TBC1D22A: variants seen among roughly 807,000 people sequenced by gnomAD.
The protein encoded by TBC1D22A is putative GTPase activator.
Under a neutral mutation model 60.2 loss-of-function variants are expected in TBC1D22A, and 38 were observed. The observed-to-expected ratio is 0.63, with a 90% CI of 0.49 to 0.83. The LOEUF is 0.83. Ranked by LOEUF, TBC1D22A falls within the 40% of genes least tolerant of loss-of-function variation. The probability of loss-of-function intolerance (pLI) is 0.00; values close to 1 mark genes in which losing one functional copy is unlikely to be tolerated. For synonymous variants in TBC1D22A, 302 were observed against 281.7 expected (o/e 1.07, Z -0.72); for missense variants, 628 against 701.0 (o/e 0.90, Z 1.18).
chr22:47,136,703 C>A (rs1468672572), intron 12 of TBC1D22A, among the ~76,000 whole-genome samples: 4 of 152,202 alleles, frequency 2.6e-5, no homozygotes, highest in African/African-American at 9.7e-5. Context: ...ACTCACCCAC[C>A]CTGAGCTTGT....
chr22:46,919,918 A>G (rs1250360620), intron 8 of TBC1D22A, among the ~76,000 whole-genome samples: 2 of 152,116 alleles, frequency 1.3e-5, no homozygotes, highest in Admixed American at 6.5e-5. Flanking sequence ...TTCAGTGTTG[A>G]CAGCCTTTGT....
intron 9 of TBC1D22A, among the ~76,000 whole-genome samples, chr22:46,977,580 C>T (rs574080761): frequency 3.9e-5 from 6 of 152,124 alleles, no homozygotes; most frequent in Admixed American, 1.3e-4. Flanking sequence ...TCCCTGGAAA[C>T]GTTAGGTGAT....
At chr22:47,127,850 A>G (rs944754569) in intron 12 of TBC1D22A, among the ~76,000 whole-genome samples, 3 of 151,478 alleles carry the variant, frequency 2.0e-5, no homozygotes, top group Non-Finnish European at 4.4e-5. Context: ...CTTCAGGGCA[A>G]GTGGTCTTCG....
intron 1 of TBC1D22A, among the ~76,000 whole-genome samples, chr22:46,776,883 C>G (rs2146761298): frequency 6.6e-6 from 1 of 152,108 alleles, no homozygotes; most frequent in South Asian, 2.1e-4. Flanking sequence ...ACGAGTTCTT[C>G]CCCAAGGCCT....
intron 12 of TBC1D22A, among the ~76,000 whole-genome samples, chr22:47,122,810 G>A (rs1231411826): frequency 6.6e-6 from 1 of 152,214 alleles, no homozygotes; most frequent in Non-Finnish European, 1.5e-5. Flanking sequence ...GGAAGCTGGT[G>A]CCAGGGTGTG....
intron 4 of TBC1D22A, among the ~76,000 whole-genome samples, chr22:46,871,798 C>A (rs748805424): frequency 6.6e-6 from 1 of 151,734 alleles, no homozygotes; most frequent in Admixed American, 6.6e-5. Context: ...GAACAAAAAC[C>A]GAGTAAAAGA....
At chr22:47,161,705 G>A (rs953496486) in intron 12 of TBC1D22A, among the ~76,000 whole-genome samples, 2 of 152,246 alleles carry the variant, frequency 1.3e-5, no homozygotes, top group African/African-American at 4.8e-5. Context: ...CAGAGGCAGC[G>A]CCTGGACCCT....
chr22:47,148,303 T>C (rs1218865784), intron 12 of TBC1D22A, among the ~76,000 whole-genome samples: 1 of 145,324 alleles, frequency 6.9e-6, no homozygotes, highest in Admixed American at 7.0e-5. Flanking sequence ...CTGCAGCCGC[T>C]GGACGAGGAA....
chr22:46,782,219 T>G (rs1464608428), intron 1 of TBC1D22A, among the ~76,000 whole-genome samples: 2 of 152,194 alleles, frequency 1.3e-5, no homozygotes, highest in Non-Finnish European at 2.9e-5. Context: ...CACACCCAGC[T>G]AATTCTTGTA....
At chr22:47,031,857 C>T (rs2062485006) in intron 10 of TBC1D22A, among the ~76,000 whole-genome samples, 1 of 152,198 alleles carries the variant, frequency 6.6e-6, no homozygotes, top group Non-Finnish European at 1.5e-5. Context: ...CTCCTCAAGT[C>T]AGCGTCCCTC....
chr22:47,003,450 C>G lies in TBC1D22A; in HGVS notation c.1201+5741C>G, dbSNP rs546461546. Among the ~76,000 whole-genome samples the G allele has an allele frequency of 1.8e-4, 27 of 150,002 alleles. No individual in the cohort carries two copies. In the South Asian group the frequency reaches 2.8e-3, roughly 15 times the overall value. On this transcript the variant is annotated intron_variant, in intron 10 of 12. Coordinates refer to ENST00000337137, the MANE Select transcript of TBC1D22A (RefSeq NM_014346.5). Reference sequence around the variant, plus strand: ...CGCACACATGCCTGTACACACGCACCCTACGCACACATGCCTGTACACACG... The same window carrying G: ...CGCACACATGCCTGTACACACGCACGCTACGCACACATGCCTGTACACACG...
intron 12 of TBC1D22A, among the ~76,000 whole-genome samples, chr22:47,169,840 G>A (rs5766708): frequency 0.66 from 100,357 of 152,128 alleles, 33,875 homozygotes; most frequent in African/African-American, 0.79. Flanking sequence ...AGTTAAGAAT[G>A]AAAATGCAAG....
At chr22:46,948,556 T>G (rs2072696952) in intron 8 of TBC1D22A, among the ~76,000 whole-genome samples, 1 of 152,242 alleles carries the variant, frequency 6.6e-6, no homozygotes, top group Non-Finnish European at 1.5e-5. Flanking sequence ...TATTGGTCGA[T>G]AACCCTTTGA....
intron 10 of TBC1D22A, among the ~76,000 whole-genome samples, chr22:47,019,195 C>G (rs1345161377): frequency 6.6e-6 from 1 of 152,206 alleles, no homozygotes. Context: ...CTGGGTGGAG[C>G]GGGCAGCACC....
At chr22:46,788,496 A>C (rs927890356) in intron 1 of TBC1D22A, among the ~76,000 whole-genome samples, 28 of 152,228 alleles carry the variant, frequency 1.8e-4, no homozygotes, top group Non-Finnish European at 4.0e-4. Flanking sequence ...GGCACGTGGC[A>C]TGGTGGTCAC....
At chr22:46,851,409 C>A (rs992401526) in intron 4 of TBC1D22A, among the ~76,000 whole-genome samples, 1 of 152,242 alleles carries the variant, frequency 6.6e-6, no homozygotes, top group African/African-American at 2.4e-5. Flanking sequence ...TCTAGAGACC[C>A]CTTCCAGCGG....
intron 1 of TBC1D22A, among the ~76,000 whole-genome samples, chr22:46,787,932 CTTTTTTT>C (rs547496103): frequency 5.6e-5 from 6 of 107,152 alleles, no homozygotes; most frequent in South Asian, 3.0e-4. Context: ...GGGCAGGCTA[CTTTTTTT>C]TTTTTTTTTT....
chr22:47,115,037 G>A (rs1359948601), intron 12 of TBC1D22A, among the ~76,000 whole-genome samples: 1 of 151,760 alleles, frequency 6.6e-6, no homozygotes, highest in Non-Finnish European at 1.5e-5. Flanking sequence ...GTGGTGGGGC[G>A]GGGCGGGGCG....
intron 7 of TBC1D22A, among the ~76,000 whole-genome samples, chr22:46,902,441 A>G (rs1356147566): frequency 1.3e-5 from 2 of 152,252 alleles, no homozygotes; most frequent in Non-Finnish European, 2.9e-5. Flanking sequence ...TTAGTAGCTA[A>G]TGATATCCAG....
Sources: allele counts gnomAD v4.1 joint callset (sites outside exome capture counted in the v4.1 genomes callset), GRCh38; gene constraint gnomAD v4.1.1; transcripts MANE v1.5; gene names NCBI Gene and HGNC (gene_info 2026-07-23, HGNC 2026-07-21).